The following PDE10A variants were observed in gnomAD, a reference collection of about 807,000 sequenced individuals.
PDE10A encodes cAMP and cAMP-inhibited cGMP 3',5'-cyclic phosphodiesterase 10A.
A neutral mutation model predicts 97.7 loss-of-function variants in PDE10A; 39 were observed. The ratio of observed to expected loss-of-function variants is 0.40; its 90% CI spans 0.31 to 0.52. The LOEUF is 0.52. PDE10A is among the 20% of genes least tolerant of loss of function. The pLI, the probability that PDE10A is intolerant of heterozygous loss-of-function variation, is 0.56. For synonymous variants in PDE10A, 371 were observed against 376.8 expected, an observed-to-expected ratio of 0.98 and a Z score of 0.18; for missense variants, 731 against 1,047.8, an observed-to-expected ratio of 0.70 and a Z score of 4.17.
intron 1 of PDE10A, among the ~76,000 whole-genome samples, chr6:165,801,670 C>T (rs1778992246): frequency 6.6e-6 from 1 of 152,228 alleles, no homozygotes; most frequent in South Asian, 2.1e-4. Flanking sequence ...CCTTTTCAAG[C>T]TAAATCAACA....
chr6:165,855,703 C>T (rs1780712405), intron 1 of PDE10A, among the ~76,000 whole-genome samples: 1 of 151,998 alleles, frequency 6.6e-6, no homozygotes, highest in Non-Finnish European at 1.5e-5. Flanking sequence ...TAAGTGGTGG[C>T]CATGAACACA....
intron 1 of PDE10A, among the ~76,000 whole-genome samples, chr6:165,806,257 A>C (rs1010150764): frequency 6.6e-6 from 1 of 151,584 alleles, no homozygotes; most frequent in Non-Finnish European, 1.5e-5. Context: ...AAATATGGAA[A>C]CCCCCGACAG....
At position 165,341,362 on chromosome 6, in the gene PDE10A, T is replaced by C. The variant is rs552080291; in HGVS notation, c.2896-2004A>G. ...ATTCTCCAGCTTTTAATCCTGCACC[T>C]TCCTTTTACTTTAAGTTGTCATTTA... On this transcript the variant is annotated intron_variant, in intron 19 of 21. Transcript: ENST00000539869. 3.3e-5 allele frequency among the ~76,000 whole-genome samples: 5 copies of C among 152,374 alleles called. No individual in the cohort carries two copies. The South Asian group carries it at 1.0e-3, about 32-fold the overall frequency.
chr6:165,792,667 G>A (rs1196591163), intron 1 of PDE10A, among the ~76,000 whole-genome samples: 5 of 152,050 alleles, frequency 3.3e-5, no homozygotes, highest in Non-Finnish European at 5.9e-5. Flanking sequence ...CGGTCCCGAC[G>A]CTGACCACAC....
intron 1 of PDE10A, among the ~76,000 whole-genome samples, chr6:165,783,222 A>G (rs753440575): frequency 1.6e-4 from 24 of 152,362 alleles, no homozygotes; most frequent in Admixed American, 9.8e-4. Flanking sequence ...AGGGCACCTC[A>G]TCACACTTGT....
intron 1 of PDE10A, among the ~76,000 whole-genome samples, chr6:165,604,637 T>A (rs1005840082): frequency 6.6e-6 from 1 of 152,150 alleles, no homozygotes; most frequent in Non-Finnish European, 1.5e-5. Flanking sequence ...GGAAACATCC[T>A]ACATGGAATG....
At chr6:165,812,103 C>A (rs748277453) in intron 1 of PDE10A, among the ~76,000 whole-genome samples, 8 of 152,038 alleles carry the variant, frequency 5.3e-5, no homozygotes, top group African/African-American at 1.7e-4. Flanking sequence ...CTGCCCACCT[C>A]GGCCTCCCAA....
intron 5 of PDE10A, among the ~76,000 whole-genome samples, chr6:165,440,862 A>G (rs1790392284): frequency 6.6e-6 from 1 of 152,166 alleles, no homozygotes; most frequent in South Asian, 2.1e-4. Context: ...TATAAAGTAC[A>G]TAAGGTTTTC....
chr6:165,392,852 G>T, intron 15 of PDE10A, 56 bp from the exon 16 acceptor site: 1 of 1,512,586 alleles, frequency 6.6e-7, no homozygotes. Flanking sequence ...CTATGTTGTA[G>T]GAGAACTCCC....
At chr6:165,371,540 T>C (rs1029084400) in intron 18 of PDE10A, among the ~76,000 whole-genome samples, 4 of 152,008 alleles carry the variant, frequency 2.6e-5, no homozygotes, top group African/African-American at 9.7e-5. Context: ...AGAAGTTGAA[T>C]CTCTGAATAG....
upstream of PDE10A, among the ~76,000 whole-genome samples, chr6:165,664,755 G>A (rs558668953): frequency 6.6e-6 from 1 of 152,358 alleles, no homozygotes; most frequent in East Asian, 1.9e-4. Context: ...GCAAGGGTCT[G>A]AGGGCTGCCC....
At chr6:165,349,219 G>T (rs1161936843) in intron 18 of PDE10A, among the ~76,000 whole-genome samples, 1 of 152,202 alleles carries the variant, frequency 6.6e-6, no homozygotes, top group African/African-American at 2.4e-5. Flanking sequence ...AAGACAGGAA[G>T]AAGTGGGAAG....
At chr6:165,349,536 T>C (rs1317517050) in intron 18 of PDE10A, among the ~76,000 whole-genome samples, 4 of 152,272 alleles carry the variant, frequency 2.6e-5, no homozygotes, top group Non-Finnish European at 5.9e-5. Flanking sequence ...GATGATGTGG[T>C]AGAAAAGAAA....
At position 165,517,850 on chromosome 6, in the gene PDE10A, C is replaced by T. The variant is rs114039712; in HGVS notation, c.994+25590G>A. Among the ~76,000 whole-genome samples the T allele has an allele frequency of 6.3e-3, 964 of 152,200 alleles. 10 individuals are homozygous for T. The highest frequency in any genetic ancestry group is 0.022 in the African/African-American group (908 of 41,518). ...ACTATACACGAGAAAAATACAAAGT[C>T]AATTATTTTTAATATATTCAGGTTG... is the stretch of plus-strand genomic sequence containing the variant. On this transcript the variant is annotated intron_variant, in intron 2 of 21. Coordinates refer to ENST00000539869, the MANE Select transcript of PDE10A (RefSeq NM_001385079.1).
At chr6:165,930,219 T>C (rs530855864) in intron 1 of PDE10A, among the ~76,000 whole-genome samples, 1 of 152,326 alleles carries the variant, frequency 6.6e-6, no homozygotes, top group South Asian at 2.1e-4. Flanking sequence ...AAGAAAATGG[T>C]TTCTTCTCCA....
At chr6:165,883,533 C>T (rs984354641) in intron 1 of PDE10A, among the ~76,000 whole-genome samples, 1 of 129,354 alleles carries the variant, frequency 7.7e-6, no homozygotes, top group African/African-American at 3.0e-5. Flanking sequence ...AATTGAGACT[C>T]CGTCTCAAAA....
chr6:165,862,614 G>A (rs1780935593), intron 1 of PDE10A, among the ~76,000 whole-genome samples: 1 of 151,788 alleles, frequency 6.6e-6, no homozygotes, highest in Admixed American at 6.6e-5. Flanking sequence ...CACACTAACA[G>A]GTGCACTAAG....
At chr6:165,493,357 A>G (rs1207895932) in intron 2 of PDE10A, among the ~76,000 whole-genome samples, 1 of 152,144 alleles carries the variant, frequency 6.6e-6, no homozygotes, top group Non-Finnish European at 1.5e-5. Context: ...CTATGGAACC[A>G]AAAAAGAGCC....
chr6:165,546,639 A>G lies in PDE10A; in HGVS notation c.866-3071T>C, dbSNP rs544719163. ...ACATAAGCACCACACTCTAGTTGAT[A>G]AAGTTGTTGTCCCAAGAGGGTACAG... On this transcript the variant is annotated intron_variant, in intron 1 of 21. Coordinates refer to ENST00000539869, the MANE Select transcript of PDE10A (RefSeq NM_001385079.1). 2.0e-5 allele frequency among the ~76,000 whole-genome samples: 3 copies of G among 152,234 alleles called. No individual in the cohort carries two copies. In the East Asian group the frequency reaches 5.8e-4, roughly 29 times the overall value.
Sources: allele counts gnomAD v4.1 joint callset (sites outside exome capture counted in the v4.1 genomes callset), GRCh38; gene constraint gnomAD v4.1.1; transcripts MANE v1.5; gene names NCBI Gene and HGNC (gene_info 2026-07-23, HGNC 2026-07-21).